The following PECAM1 variants were observed in gnomAD, a reference collection of about 807,000 sequenced individuals.
The protein encoded by PECAM1 is platelet and endothelial cell adhesion molecule 1.
Under a neutral mutation model 13.8 loss-of-function variants are expected in PECAM1, and 8 were observed. The observed-to-expected ratio is 0.58, with a 90% confidence interval of 0.34 to 1.05. PECAM1 has a LOEUF of 1.05. PECAM1 is among the 50% of genes least tolerant of loss of function. The pLI, the probability that PECAM1 is intolerant of heterozygous loss-of-function variation, is 0.03. For missense variants in PECAM1, 304 were observed against 141.2 expected (o/e 2.15, Z -5.84); for synonymous variants, 136 against 52.6 (o/e 2.58, Z -6.86).
In PECAM1 at chr17:64,322,778, C is replaced by T. The variant is rs561257120; in HGVS notation, c.*1038G>A. The T allele has an allele frequency of 5.5e-5, 40 of 729,610 alleles. No individual in the cohort carries two copies. Among genetic ancestry groups the T allele is most frequent in the African/African-American group, 5.3e-4 (28 of 52,670 alleles). 45.2% of individuals were successfully genotyped at this position (729,610 alleles called of 1,614,324 possible). A position where few individuals can be genotyped will look rare whatever the true frequency, so the allele number is the denominator to read the frequency against. On this transcript the variant is annotated 3_prime_UTR_variant, in exon 16 of 16. Coordinates refer to ENST00000563924, the MANE Select transcript of PECAM1 (RefSeq NM_000442.5). ...TCACTCAGGCTGGAGTGCAGTGGCG[C>T]GATCTCCGCTCACTACAACCTCCGT...
intron 13 of PECAM1, among the ~76,000 whole-genome samples, chr17:64,346,774 G>C (rs947966218): frequency 6.6e-6 from 1 of 152,208 alleles, no homozygotes; most frequent in Non-Finnish European, 1.5e-5. Flanking sequence ...GCCCTTGAGA[G>C]AACCACATAC....
chr17:64,388,714 C>G (rs1406595959), intron 2 of PECAM1, among the ~76,000 whole-genome samples: 1 of 152,184 alleles, frequency 6.6e-6, no homozygotes, highest in African/African-American at 2.4e-5. Context: ...GTTGCCCAGG[C>G]TGGAGTGCAG....
At position 64,360,502 on chromosome 17, in the gene PECAM1, C is replaced by A. The variant is rs1034787706; in HGVS notation, c.1217-87G>T. ...AGAGGTTCCTCCTCCAAAGCCTGAG[C>A]TTTGCTTTCTATCCCTGCTGTAATT... On this transcript the variant is annotated intron_variant, in intron 6 of 15. Transcript: ENST00000563924. 21 of 428,282 alleles carry A rather than the reference C, an allele frequency of 4.9e-5. No individual in the cohort carries two copies. In the Middle Eastern group the frequency reaches 3.7e-3, roughly 75 times the overall value. The allele number at this position is 428,282 out of a possible 1,614,324, so 26.5% of individuals were successfully genotyped here. A position where few individuals can be genotyped will look rare whatever the true frequency, so the allele number is the denominator to read the frequency against.
chr17:64,387,752 A>G (rs2036629203), intron 2 of PECAM1, among the ~76,000 whole-genome samples: 1 of 152,110 alleles, frequency 6.6e-6, no homozygotes, highest in Non-Finnish European at 1.5e-5. Flanking sequence ...ACTGTTTTCT[A>G]GGTGAAGATG....
chr17:64,353,334 CACACACAA>C (rs2035774614), intron 10 of PECAM1, among the ~76,000 whole-genome samples, 149 bp downstream of exon 10: 1 of 127,420 alleles, frequency 7.8e-6, no homozygotes, highest in Non-Finnish European at 1.8e-5. Flanking sequence ...CACACACACA[CACACACAA>C]CTCACACACA....
intron 2 of PECAM1, among the ~76,000 whole-genome samples, chr17:64,381,677 A>G (rs1195021155): frequency 6.6e-6 from 1 of 152,226 alleles, no homozygotes; most frequent in East Asian, 1.9e-4. Flanking sequence ...CATGAGATGA[A>G]ACAAGGTGAC....
Position 64,325,645 on chromosome 17 carries a change from G to A in PECAM1, c.2188-1800C>T, listed in dbSNP as rs376525404. Among the ~76,000 whole-genome samples the A allele has an allele frequency of 9.8e-5, 15 of 152,332 alleles. No homozygotes were observed. In the East Asian group the frequency reaches 2.1e-3, roughly 22 times the overall value. On this transcript the variant is annotated intron_variant, in intron 15 of 15. Coordinates refer to ENST00000563924, the MANE Select transcript of PECAM1 (RefSeq NM_000442.5). ...CCAGCTACTCAGGAGGCTGAGGTGG[G>A]AGGATCACTTGAGTCTGGGAGATGG... is the stretch of plus-strand genomic sequence containing the variant.
chr17:64,346,222 C>G (rs1164612835), intron 13 of PECAM1, among the ~76,000 whole-genome samples: 1 of 152,134 alleles, frequency 6.6e-6, no homozygotes, highest in African/African-American at 2.4e-5. Context: ...GAGACTGCTT[C>G]CTTTGAGCGT....
At chr17:64,340,303 C>T (rs1388607775) in intron 14 of PECAM1, among the ~76,000 whole-genome samples, 8 of 152,050 alleles carry the variant, frequency 5.3e-5, no homozygotes, top group Non-Finnish European at 8.8e-5. Flanking sequence ...CGACTGTACT[C>T]GGAGGAGTCA....
chr17:64,326,050 G>T (rs1188038729), intron 15 of PECAM1, among the ~76,000 whole-genome samples: 2 of 152,170 alleles, frequency 1.3e-5, no homozygotes, highest in Non-Finnish European at 2.9e-5. Context: ...GGCAGTGGGG[G>T]ATTCACAGAA....
chr17:64,379,279 T>C (rs1568038028), intron 2 of PECAM1, among the ~76,000 whole-genome samples: 2 of 152,238 alleles, frequency 1.3e-5, no homozygotes, highest in East Asian at 3.8e-4. Flanking sequence ...AACCATAGGC[T>C]GTCAATAGAA....
In PECAM1 at chr17:64,352,391, G is replaced by A. The variant is rs1470817666; in HGVS notation, c.1989C>T (p.Tyr663=). Residue 663 remains tyrosine, a splice_region_variant and synonymous_variant, in exon 11 of 16, where the codon TAC becomes TAT. Transcript: ENST00000563924. The part of the protein sequence containing the change: ...SDPNMEANSH[Y]GHNDDVRNHA... Reference sequence around the variant, plus strand: ...AATGGCAGGAGAACATGACTTTACCGTAATGACTGTTAGCTTCCATATTGG... The same window carrying A: ...AATGGCAGGAGAACATGACTTTACCATAATGACTGTTAGCTTCCATATTGG... 21 of 474,932 alleles carry A rather than the reference G, an allele frequency of 4.4e-5. No individual in the cohort carries two copies. The highest frequency in any genetic ancestry group is 6.7e-5 in the South Asian group (1 of 14,840). The allele number at this position is 474,932 out of a possible 1,614,324, so 29.4% of individuals were successfully genotyped here.
chr17:64,374,193 T>C (rs1011470739), intron 4 of PECAM1, among the ~76,000 whole-genome samples: 4 of 152,160 alleles, frequency 2.6e-5, no homozygotes, highest in African/African-American at 9.7e-5. Context: ...TGGCCAGTGT[T>C]TAAAGACTGA....
chr17:64,385,937 C>T (rs2036583543), intron 2 of PECAM1, among the ~76,000 whole-genome samples: 1 of 152,184 alleles, frequency 6.6e-6, no homozygotes, highest in Non-Finnish European at 1.5e-5. Context: ...GAGGGCTGGC[C>T]TGCTGTGCTG....
chr17:64,362,128 T>G lies in PECAM1; in HGVS notation c.1216+1021A>C, dbSNP rs1216117028. ...TCAACCAGAATCTCGCCACCCAAAG[T>G]GTGGTCCAGAGACCAACAGCATCCA... On this transcript the variant is annotated intron_variant, in intron 6 of 15. Transcript: ENST00000563924. Among the ~76,000 whole-genome samples the G allele has an allele frequency of 2.0e-5, 3 of 152,320 alleles. No individual in the cohort carries two copies. In the East Asian group the frequency reaches 5.8e-4, roughly 29 times the overall value.
At chr17:64,339,285 G>C (rs2035366385) in intron 14 of PECAM1, among the ~76,000 whole-genome samples, 2 of 152,098 alleles carry the variant, frequency 1.3e-5, no homozygotes, top group African/African-American at 4.8e-5. Flanking sequence ...TCAGGGGCTG[G>C]CTTGCTGCGT....
chr17:64,368,446 C>A (rs1322240633), intron 5 of PECAM1, among the ~76,000 whole-genome samples: 1 of 152,068 alleles, frequency 6.6e-6, no homozygotes, highest in Non-Finnish European at 1.5e-5. Flanking sequence ...CCCTTGGTAA[C>A]CCTGTAATCC....
At chr17:64,351,445 C>T (rs1477173416) in intron 11 of PECAM1, among the ~76,000 whole-genome samples, 2 of 152,072 alleles carry the variant, frequency 1.3e-5, no homozygotes, top group Non-Finnish European at 2.9e-5. Flanking sequence ...AGAAAAGTGG[C>T]TGGGCTCAGG....
chr17:64,332,265 G>A (rs571888675), intron 14 of PECAM1, among the ~76,000 whole-genome samples: 1 of 152,262 alleles, frequency 6.6e-6, no homozygotes, highest in Admixed American at 6.5e-5. Context: ...TGCATTGAGT[G>A]AGGTTGAGGA....
Sources: gnomAD v4.1 joint callset for allele counts (sites outside exome capture counted in the v4.1 genomes callset) on GRCh38, gnomAD v4.1.1 for gene constraint, MANE v1.5 for transcripts, NCBI Gene and HGNC (gene_info 2026-07-23, HGNC 2026-07-21) for gene names.